The following PILRB variants were observed in gnomAD, a reference collection of about 807,000 sequenced individuals.
The protein encoded by PILRB is paired immunoglobulin-like type 2 receptor beta.
PILRB carries 21 observed loss-of-function variants against 20.5 expected under a neutral mutation model. That is an observed-to-expected ratio of 1.02 (90% CI 0.72 to 1.47). The LOEUF (loss-of-function observed/expected upper bound fraction) is 1.47. Among genes scored for constraint, PILRB ranks in the 40% most tolerant of loss-of-function variants. The pLI is 0.00. For missense variants in PILRB, 253 were observed against 272.1 expected (o/e 0.93, Z 0.49); for synonymous variants, 133 against 115.1 (o/e 1.16, Z -0.99).
chr7:100,362,685 T>G (rs958120535), intron 3 of PILRB, among the ~76,000 whole-genome samples: 12 of 152,034 alleles, frequency 7.9e-5, no homozygotes, highest in African/African-American at 2.4e-4. Context: ...ATTTTTGTAT[T>G]TTTGGAAGAA....
At chr7:100,363,206 G>A (rs1277630074) in intron 3 of PILRB, among the ~76,000 whole-genome samples, 1 of 151,258 alleles carries the variant, frequency 6.6e-6, no homozygotes, top group Non-Finnish European at 1.5e-5. Flanking sequence ...GGATAAAAAG[G>A]CATCTAATTT....
Position 100,367,623 on chromosome 7 carries a change from A to C in PILRB, c.*246A>C. ...TGCAATGATATAGGAATGAGGTCTG[A>C]ACTCCACTGAATTAAACCACTGGCA... On this transcript the variant is annotated 3_prime_UTR_variant, in exon 4 of 4. Transcript: ENST00000609309. 1 of 540,526 alleles carries C rather than the reference A, an allele frequency of 1.9e-6. No individual in the cohort carries two copies. Among genetic ancestry groups the C allele is most frequent in the South Asian group, 2.6e-5 (1 of 38,924 alleles). The allele number at this position is 540,526 out of a possible 1,614,324, so 33.5% of individuals were successfully genotyped here. A position where few individuals can be genotyped will look rare whatever the true frequency, so the allele number is the denominator to read the frequency against.
intron 3 of PILRB, among the ~76,000 whole-genome samples, chr7:100,360,258 A>G (rs1790488410): frequency 6.6e-6 from 1 of 152,258 alleles, no homozygotes; most frequent in Admixed American, 6.5e-5. Flanking sequence ...GAAGCAAAGT[A>G]TATAAAGCAT....
At chr7:100,364,927 C>G (rs1471853529) in intron 3 of PILRB, among the ~76,000 whole-genome samples, 1 of 151,924 alleles carries the variant, frequency 6.6e-6, no homozygotes, top group Non-Finnish European at 1.5e-5. Context: ...GCACTCCATC[C>G]TGGGTGACAG....
Position 100,358,946 on chromosome 7 carries a change from C to T in PILRB, c.321C>T (p.Ser107=), listed in dbSNP as rs182376137. 1.1e-5 allele frequency: 17 copies of T among 1,614,100 alleles called. No individual in the cohort carries two copies. Among genetic ancestry groups the T allele is most frequent in the Middle Eastern group, 1.6e-4 (1 of 6,062 alleles). Residue 107 remains serine, a synonymous_variant, in exon 2 of 4, where the codon AGC becomes AGT. Coordinates refer to ENST00000609309, the MANE Select transcript of PILRB (RefSeq NM_178238.4). ...TGAACTGGACAGAGGGTCAGGAGAGCGGCTTCCTCAGGATCTCAAACCTGC... is the reference window on the plus strand; with the variant it reads ...TGAACTGGACAGAGGGTCAGGAGAGTGGCTTCCTCAGGATCTCAAACCTGC... The part of the protein sequence containing the change: ...LFLNWTEGQE[S]GFLRISNLRK...
intron 3 of PILRB, among the ~76,000 whole-genome samples, chr7:100,363,977 G>A (rs763724728): frequency 6.6e-6 from 1 of 151,910 alleles, no homozygotes; most frequent in East Asian, 1.9e-4. Context: ...GCGTGGTGGC[G>A]CATGTCTGTA....
At chr7:100,360,041 C>A (rs1178605573) in intron 3 of PILRB, among the ~76,000 whole-genome samples, 3 of 150,304 alleles carry the variant, frequency 2.0e-5, no homozygotes, top group Non-Finnish European at 4.4e-5. Context: ...AACAAACAAA[C>A]AAAAAAAGCC....
chr7:100,360,259 T>G (rs1444315334), intron 3 of PILRB, among the ~76,000 whole-genome samples: 1 of 152,218 alleles, frequency 6.6e-6, no homozygotes, highest in South Asian at 2.1e-4. Flanking sequence ...AAGCAAAGTA[T>G]ATAAAGCATA....
chr7:100,366,566 G>C (rs2130127770), intron 3 of PILRB, among the ~76,000 whole-genome samples: 1 of 152,238 alleles, frequency 6.6e-6, no homozygotes, highest in East Asian at 1.9e-4. Context: ...AGGATTCAGG[G>C]TGAGACCAGC....
intron 3 of PILRB, among the ~76,000 whole-genome samples, chr7:100,364,531 G>A (rs1467457272): frequency 5.9e-5 from 9 of 152,264 alleles, no homozygotes; most frequent in South Asian, 2.1e-4. Context: ...TTTATGATAC[G>A]TACCTGCTCT....
chr7:100,363,437 A>G lies in PILRB; in HGVS notation c.655+3900A>G, dbSNP rs143065693. On this transcript the variant is annotated intron_variant, in intron 3 of 3. Transcript: ENST00000609309. ...ACAATTCCATTTACAATAATGTCAA[A>G]AAATAAAGTAAGATCTTTAGGAATA... Among the ~76,000 whole-genome samples the G allele has an allele frequency of 1.8e-3, 268 of 152,358 alleles. 2 individuals carry two copies. Among genetic ancestry groups the G allele is most frequent in the African/African-American group, 6.2e-3 (256 of 41,588 alleles).
At chr7:100,362,654 G>T (rs1194506264) in intron 3 of PILRB, among the ~76,000 whole-genome samples, 1 of 151,994 alleles carries the variant, frequency 6.6e-6, no homozygotes, top group Non-Finnish European at 1.5e-5. Flanking sequence ...GATTACAGGT[G>T]TGCACCACTA....
chr7:100,361,065 A>G (rs1790511010), intron 3 of PILRB, among the ~76,000 whole-genome samples: 1 of 152,028 alleles, frequency 6.6e-6, no homozygotes, highest in Non-Finnish European at 1.5e-5. Flanking sequence ...CCTCCTGAGT[A>G]GCTGGGACTA....
At chr7:100,366,984 T>A (rs1170381432) in intron 3 of PILRB, among the ~76,000 whole-genome samples, 1 of 152,094 alleles carries the variant, frequency 6.6e-6, no homozygotes, top group Non-Finnish European at 1.5e-5. Flanking sequence ...GCTGATCTGC[T>A]GCTCTGGTCC....
In PILRB at chr7:100,358,204, T is replaced by C; in HGVS notation, c.-99T>C. ...CCTCTGGGGAGCCTCACCCTGGCTC[T>C]CCCCACTCACCTCAGCCCTCAGGCA... is the stretch of plus-strand genomic sequence containing the variant. On this transcript the variant is annotated 5_prime_UTR_variant, in exon 1 of 4. Transcript: ENST00000609309. The C allele has an allele frequency of 1.4e-6, 2 of 1,444,076 alleles. No homozygotes were observed. The highest frequency in any genetic ancestry group is 2.3e-5 in the South Asian group (2 of 87,274). 89.5% of individuals were successfully genotyped at this position (1,444,076 alleles called of 1,614,324 possible).
rs1226312276 is a variant in PILRB at position 100,359,556 on chromosome 7, C to T, written c.655+19C>T. 5 of 1,605,118 alleles carry T rather than the reference C, an allele frequency of 3.1e-6. No homozygotes were observed. In the South Asian group the frequency reaches 5.5e-5, roughly 18 times the overall value. The stretch of plus-strand genomic sequence containing the variant: ...AGGAAAGGTAAGTGCCCAGAACGCA[C>T]TGTCTCCTCAAGCTTCCCAGCTGGG... On this transcript the variant is annotated intron_variant, in intron 3 of 3. Coordinates refer to ENST00000609309, the MANE Select transcript of PILRB (RefSeq NM_178238.4).
intron 3 of PILRB, among the ~76,000 whole-genome samples, chr7:100,364,251 G>A (rs908754675): frequency 1.3e-5 from 2 of 152,210 alleles, no homozygotes; most frequent in African/African-American, 2.4e-5. Context: ...AACAAATGGT[G>A]TTGAGAAAGC....
chr7:100,366,426 A>G (rs1790687823), intron 3 of PILRB, among the ~76,000 whole-genome samples: 1 of 151,844 alleles, frequency 6.6e-6, no homozygotes, highest in East Asian at 1.9e-4. Flanking sequence ...GTCTCTGTGG[A>G]CGTGGAGCCC....
At chr7:100,365,782 T>C (rs956845083) in intron 3 of PILRB, among the ~76,000 whole-genome samples, 2 of 151,954 alleles carry the variant, frequency 1.3e-5, no homozygotes, top group South Asian at 4.2e-4. Context: ...CACGTCACTG[T>C]ATAGCAGCCT....
Sources: allele counts gnomAD v4.1 joint callset (sites outside exome capture counted in the v4.1 genomes callset), GRCh38; gene constraint gnomAD v4.1.1; transcripts MANE v1.5; gene names NCBI Gene and HGNC (gene_info 2026-07-23, HGNC 2026-07-21).